The following PEX14 variants were observed in gnomAD, a reference collection of about 807,000 sequenced individuals.
The protein encoded by PEX14 is peroxisomal biogenesis factor 14, also known as peroxisomal membrane protein PEX14.
PEX14 carries 15 observed loss-of-function variants against 49.5 expected under a neutral mutation model. That is an observed-to-expected ratio of 0.30 (90% CI 0.20 to 0.47). PEX14 has a LOEUF of 0.47. Among genes scored for constraint, PEX14 ranks in the 20% least tolerant of loss-of-function variants. PEX14 has a pLI of 1.00. For missense variants in PEX14, 398 were observed against 494.8 expected (o/e 0.80, Z 1.86); for synonymous variants, 210 against 212.7 (o/e 0.99, Z 0.11).
chr1:10,563,525 G>A (rs915632258), intron 3 of PEX14, among the ~76,000 whole-genome samples: 23 of 152,198 alleles, frequency 1.5e-4, no homozygotes, highest in East Asian at 5.8e-4. Context: ...CTCCGGAGGC[G>A]GAGGCCGGAG....
At position 10,609,971 on chromosome 1, in the gene PEX14, G is replaced by A. The variant is rs181305084; in HGVS notation, c.299-8361G>A. 2.8e-3 allele frequency among the ~76,000 whole-genome samples: 425 copies of A among 151,058 alleles called. 3 individuals are homozygous for A. The highest frequency in any genetic ancestry group is 0.01 in the Middle Eastern group (3 of 288). ...GACTTCTGTGTCTGGTTTCTTTACC[G>A]TAACATAATGGTTTTGAGATTGATT... On this transcript the variant is annotated intron_variant, in intron 4 of 8. Coordinates refer to ENST00000356607, the MANE Select transcript of PEX14 (RefSeq NM_004565.3).
chr1:10,578,373 A>G (rs922602982), intron 3 of PEX14, among the ~76,000 whole-genome samples: 2 of 152,178 alleles, frequency 1.3e-5, no homozygotes, highest in Non-Finnish European at 2.9e-5. Context: ...CCCCAGGGCT[A>G]TGGCATTTTC....
chr1:10,573,699 A>C (rs1194918446), intron 3 of PEX14, among the ~76,000 whole-genome samples: 1 of 152,250 alleles, frequency 6.6e-6, no homozygotes, highest in Non-Finnish European at 1.5e-5. Context: ...AGTTAAGTAC[A>C]TGCTTGTTTT....
intron 3 of PEX14, among the ~76,000 whole-genome samples, chr1:10,553,071 G>A (rs1639381569): frequency 6.6e-6 from 1 of 152,184 alleles, no homozygotes; most frequent in East Asian, 1.9e-4. Flanking sequence ...CGGAAAAGTT[G>A]TATGTGGAAT....
chr1:10,568,961 A>C (rs1420613123), intron 3 of PEX14, among the ~76,000 whole-genome samples: 1 of 152,066 alleles, frequency 6.6e-6, no homozygotes, highest in Non-Finnish European at 1.5e-5. Flanking sequence ...GCTGGTCTCG[A>C]ACTCCTGACC....
chr1:10,499,445 A>ATTT (rs34771798), intron 2 of PEX14, among the ~76,000 whole-genome samples: 1 of 101,424 alleles, frequency 9.9e-6, no homozygotes, highest in African/African-American at 3.4e-5. Flanking sequence ...CCAAAGAACA[A>ATTT]TTTTTTTTTT....
chr1:10,576,637 G>C (rs1433590175), intron 3 of PEX14, among the ~76,000 whole-genome samples: 1 of 151,360 alleles, frequency 6.6e-6, no homozygotes, highest in Non-Finnish European at 1.5e-5. Context: ...CAGTTGTTTA[G>C]TATGCTTCCT....
intron 1 of PEX14, among the ~76,000 whole-genome samples, chr1:10,493,997 A>G (rs978979236): frequency 7.9e-5 from 12 of 152,170 alleles, no homozygotes; most frequent in African/African-American, 1.7e-4. Flanking sequence ...GAAGTTACCA[A>G]TGCCTGGAGC....
intron 3 of PEX14, among the ~76,000 whole-genome samples, chr1:10,598,093 C>A (rs1557865597): frequency 6.6e-6 from 1 of 152,224 alleles, no homozygotes; most frequent in African/African-American, 2.4e-5. Flanking sequence ...GAGCTGCCGA[C>A]CAGATGTGGA....
intron 3 of PEX14, among the ~76,000 whole-genome samples, chr1:10,546,955 G>A (rs1639195215): frequency 6.6e-6 from 1 of 152,148 alleles, no homozygotes; most frequent in Non-Finnish European, 1.5e-5. Flanking sequence ...AGGCTAGGAG[G>A]GTAGACCCAA....
chr1:10,571,770 C>T (rs1468557782), intron 3 of PEX14, among the ~76,000 whole-genome samples: 1 of 152,112 alleles, frequency 6.6e-6, no homozygotes, highest in East Asian at 1.9e-4. Flanking sequence ...GATTGTGCCA[C>T]TGCACTCCAG....
At chr1:10,556,254 A>G (rs1639485831) in intron 3 of PEX14, among the ~76,000 whole-genome samples, 1 of 152,136 alleles carries the variant, frequency 6.6e-6, no homozygotes, top group Admixed American at 6.5e-5. Context: ...TACTGTGAAC[A>G]TGCTGCCTCT....
intron 3 of PEX14, among the ~76,000 whole-genome samples, chr1:10,580,592 G>A (rs562317044): frequency 6.6e-6 from 1 of 152,172 alleles, no homozygotes; most frequent in South Asian, 2.1e-4. Context: ...CAATAATACA[G>A]TATAGTACAT....
In PEX14 at chr1:10,514,156, CTGTGTGTGTGTGTGTGTG is replaced by C. The variant is rs56306413; in HGVS notation, c.84+18861_84+18878del. On this transcript the variant is annotated intron_variant, in intron 2 of 8. Coordinates refer to ENST00000356607, the MANE Select transcript of PEX14 (RefSeq NM_004565.3). The surrounding 1 kb of genome is among the most constrained non-coding windows in gnomAD (Gnocchi z 4.4). ...AAAATGTATAAAATAATCTATGCCT[CTGTGTGTGTGTGTGTGTG>C]TGTGTGTGTGTGTGTGTGTGTGTGT... Among the ~76,000 whole-genome samples the C allele has an allele frequency of 1.4e-5, 2 of 143,264 alleles. No individual in the cohort carries two copies. The highest frequency in any genetic ancestry group is 3.1e-5 in the Non-Finnish European group (2 of 65,064). 94.0% of individuals were successfully genotyped at this position (143,264 alleles called of 152,430 possible). A position where few individuals can be genotyped will look rare whatever the true frequency, so the allele number is the denominator to read the frequency against.
At chr1:10,618,039 C>T (rs1641478123) in intron 4 of PEX14, among the ~76,000 whole-genome samples, 3 of 152,236 alleles carry the variant, frequency 2.0e-5, no homozygotes. Context: ...CAGATCACCT[C>T]TGCCACCTGA....
chr1:10,611,583 G>A (rs567381357), intron 4 of PEX14, among the ~76,000 whole-genome samples: 59 of 152,222 alleles, frequency 3.9e-4, no homozygotes, highest in Admixed American at 4.6e-4. Context: ...CAAAATGGTT[G>A]TAGCGTTTGT....
At chr1:10,525,498 G>T (rs1164151401) in intron 2 of PEX14, among the ~76,000 whole-genome samples, 5 of 152,206 alleles carry the variant, frequency 3.3e-5, no homozygotes, top group Admixed American at 3.3e-4. Context: ...CCTGTGGAGA[G>T]CCCATTTCTG....
intron 2 of PEX14, among the ~76,000 whole-genome samples, chr1:10,515,306 A>G (rs1304852337): frequency 6.6e-6 from 1 of 152,100 alleles, no homozygotes; most frequent in Non-Finnish European, 1.5e-5. Context: ...GGACATTCAA[A>G]CTCTTATACA....
At chr1:10,486,112 C>A (rs1468244599) in intron 1 of PEX14, among the ~76,000 whole-genome samples, 1 of 152,092 alleles carries the variant, frequency 6.6e-6, no homozygotes, top group Non-Finnish European at 1.5e-5. Flanking sequence ...ATGGTATCAT[C>A]TGCAAATAAA....
Sources: gnomAD v4.1 joint callset for allele counts (sites outside exome capture counted in the v4.1 genomes callset) on GRCh38, gnomAD v4.1.1 for gene constraint, Gnocchi (gnomAD v3.1) non-coding constraint, MANE v1.5 for transcripts, NCBI Gene and HGNC (gene_info 2026-07-23, HGNC 2026-07-21) for gene names.